The following DLG2 variants were observed in gnomAD, a reference collection of about 807,000 sequenced individuals.
The protein encoded by DLG2 is discs large MAGUK scaffold protein 2.
In DLG2, 45 loss-of-function variants were observed where a neutral mutation model predicts 132.5. The ratio of observed to expected loss-of-function variants is 0.34; its 90% CI spans 0.27 to 0.44. The LOEUF (loss-of-function observed/expected upper bound fraction) is 0.44, where lower values mean the gene tolerates loss of function less well. DLG2 is among the 20% of genes least tolerant of loss of function. The pLI is 1.00. For synonymous variants in DLG2, 424 were observed against 419.6 expected, an observed-to-expected ratio of 1.01 and a Z score of -0.13; for missense variants, 1,045 against 1,196.9, an observed-to-expected ratio of 0.87 and a Z score of 1.87.
intron 7 of DLG2, among the ~76,000 whole-genome samples, chr11:84,524,866 T>A (rs994474402): frequency 9.3e-5 from 14 of 150,492 alleles, no homozygotes; most frequent in South Asian, 2.1e-4. Context: ...TTTTTTTTTT[T>A]AAATTAATCA....
intron 16 of DLG2, among the ~76,000 whole-genome samples, chr11:83,858,941 T>G (rs116011990): frequency 0.027 from 4,184 of 152,290 alleles, 185 homozygotes; most frequent in African/African-American, 0.093. Flanking sequence ...AACTCTGATA[T>G]GGTTTGGCCG....
intron 3 of DLG2, among the ~76,000 whole-genome samples, chr11:85,507,375 C>T (rs2093959401): frequency 6.6e-6 from 1 of 152,012 alleles, no homozygotes. Context: ...TTTTTAGTGC[C>T]TCTTTCAGGA....
At chr11:84,822,897 TATA>T (rs1158421624) in intron 6 of DLG2, among the ~76,000 whole-genome samples, 37 of 152,090 alleles carry the variant, frequency 2.4e-4, no homozygotes, top group African/African-American at 8.4e-4. Flanking sequence ...ACACTACGTG[TATA>T]ATTATCTCAA....
chr11:84,698,979 T>C (rs1347947001), intron 6 of DLG2, among the ~76,000 whole-genome samples: 4 of 151,610 alleles, frequency 2.6e-5, no homozygotes, highest in Admixed American at 6.6e-5. Flanking sequence ...TCAGTCATCT[T>C]CTGGTGAATA....
chr11:84,809,178 A>G lies in DLG2; in HGVS notation c.358-274447T>C, dbSNP rs148763842. On this transcript the variant is annotated intron_variant, in intron 6 of 27. Transcript: ENST00000376104. ...CTCAACAATATAAACAGGCTAAAGA[A>G]GAGCAACCACATATTCATTTCAATC... is the stretch of plus-strand genomic sequence containing the variant. 4.0e-3 allele frequency among the ~76,000 whole-genome samples: 615 copies of G among 152,152 alleles called. 3 individuals are homozygous for G. The highest frequency in any genetic ancestry group is 0.014 in the African/African-American group (601 of 41,564).
At chr11:85,617,492 T>C (rs779734019) in intron 2 of DLG2, among the ~76,000 whole-genome samples, 8 of 152,236 alleles carry the variant, frequency 5.3e-5, no homozygotes, top group Non-Finnish European at 1.2e-4. Flanking sequence ...TCCTAATATA[T>C]TTTAAGATTC....
chr11:84,527,867 A>G (rs2099326103), intron 7 of DLG2, among the ~76,000 whole-genome samples: 1 of 150,684 alleles, frequency 6.6e-6, no homozygotes, highest in South Asian at 2.1e-4. Context: ...GTAAGGAAGA[A>G]GAGGACAGCA....
At chr11:85,464,024 G>A (rs965929258) in intron 3 of DLG2, among the ~76,000 whole-genome samples, 215 of 9,218 alleles carry the variant, frequency 0.023, no homozygotes, top group Non-Finnish European at 0.048. Context: ...ACACACACAC[G>A]CCCCCCGAGA....
intron 11 of DLG2, among the ~76,000 whole-genome samples, chr11:84,012,067 T>G (rs182575166): frequency 3.9e-5 from 6 of 152,130 alleles, no homozygotes; most frequent in Admixed American, 3.3e-4. Context: ...GACTTACATA[T>G]ATAGAAAATA....
intron 6 of DLG2, among the ~76,000 whole-genome samples, chr11:84,915,471 A>G (rs536513954): frequency 6.6e-6 from 1 of 152,324 alleles, no homozygotes; most frequent in South Asian, 2.1e-4. Flanking sequence ...CTTTGGGTCT[A>G]TATGTTACTT....
chr11:85,449,452 T>C (rs2092146326), intron 3 of DLG2, among the ~76,000 whole-genome samples: 2 of 152,160 alleles, frequency 1.3e-5, no homozygotes, highest in South Asian at 4.1e-4. Flanking sequence ...TTTTTAGTTA[T>C]TATAATTTTC....
intron 17 of DLG2, among the ~76,000 whole-genome samples, chr11:83,805,038 A>G (rs1384850624): frequency 2.0e-5 from 3 of 152,138 alleles, no homozygotes; most frequent in African/African-American, 7.2e-5. Flanking sequence ...AAACATTTTT[A>G]GCAAAATCCA....
At chr11:84,106,704 A>T (rs1258296225) in intron 9 of DLG2, among the ~76,000 whole-genome samples, 13 of 152,132 alleles carry the variant, frequency 8.5e-5, no homozygotes, top group African/African-American at 3.1e-4. Flanking sequence ...GGGGGATGGT[A>T]GAGAGGAAGC....
At position 84,458,383 on chromosome 11, in the gene DLG2, A is replaced by G. The variant is rs916712302; in HGVS notation, c.519+76187T>C. 1.3e-4 allele frequency among the ~76,000 whole-genome samples: 20 copies of G among 150,920 alleles called. No individual in the cohort carries two copies. The Admixed American group carries it at 1.3e-3, about 10-fold the overall frequency. On this transcript the variant is annotated intron_variant, in intron 7 of 27. Transcript: ENST00000376104. ...TTAAAATGAAGTAAATCCTGTTCAG[A>G]AGTATCCAAGTGATCATCGTCCTCC...
At chr11:84,522,808 T>C (rs79100558) in intron 7 of DLG2, among the ~76,000 whole-genome samples, 2,078 of 152,338 alleles carry the variant, frequency 0.014, 22 homozygotes, top group South Asian at 0.045. Context: ...TTTTGCTGTA[T>C]AGCTTCTGTC....
intron 11 of DLG2, among the ~76,000 whole-genome samples, chr11:83,981,590 C>T (rs767162696): frequency 2.6e-5 from 4 of 152,132 alleles, no homozygotes; most frequent in East Asian, 1.9e-4. Context: ...AACAGGCACA[C>T]GCCACCATGT....
At chr11:85,472,163 C>T (rs938044463) in intron 3 of DLG2, among the ~76,000 whole-genome samples, 15 of 152,152 alleles carry the variant, frequency 9.9e-5, no homozygotes, top group Non-Finnish European at 1.9e-4. Context: ...GATGCTTTTT[C>T]CAGTGCTGCC....
chr11:84,827,925 G>A (rs1189274284), intron 6 of DLG2, among the ~76,000 whole-genome samples: 4 of 151,630 alleles, frequency 2.6e-5, no homozygotes, highest in African/African-American at 9.7e-5. Flanking sequence ...ATGGACATAG[G>A]GAGTAGAAAG....
intron 6 of DLG2, chr11:84,923,314 T>C (rs922074136): frequency 7.0e-7 from 1 of 1,422,762 alleles, no homozygotes. Flanking sequence ...AATCTCTTCA[T>C]TGGCTATATA....
Sources: allele counts gnomAD v4.1 joint callset (sites outside exome capture counted in the v4.1 genomes callset), GRCh38; gene constraint gnomAD v4.1.1; transcripts MANE v1.5; gene names NCBI Gene and HGNC (gene_info 2026-07-23, HGNC 2026-07-21).